The following ATP8A2 variants were observed in gnomAD, a reference collection of about 807,000 sequenced individuals.
ATP8A2 encodes ATPase phospholipid transporting 8A2.
Under a neutral mutation model 165.6 loss-of-function variants are expected in ATP8A2, and 100 were observed. The observed-to-expected ratio is 0.60, with a 90% CI of 0.51 to 0.71. The LOEUF (loss-of-function observed/expected upper bound fraction) is 0.71. Ranked by LOEUF, ATP8A2 falls within the 30% of genes least tolerant of loss-of-function variation. ATP8A2 has a pLI of 0.00. For missense variants in ATP8A2, 1,227 were observed against 1,479.5 expected (o/e 0.83, Z 2.80); for synonymous variants, 543 against 548.8 (o/e 0.99, Z 0.15).
intron 27 of ATP8A2, among the ~76,000 whole-genome samples, chr13:25,786,605 A>G (rs946443533): frequency 1.3e-5 from 2 of 152,290 alleles, no homozygotes; most frequent in African/African-American, 4.8e-5. Flanking sequence ...ACTGTTAACT[A>G]GAAGCTTTTA....
intron 28 of ATP8A2, among the ~76,000 whole-genome samples, chr13:25,831,564 C>G (rs116209518): frequency 6.6e-6 from 1 of 152,194 alleles, no homozygotes; most frequent in East Asian, 2.0e-4. Flanking sequence ...GACTTGAGGC[C>G]GGGCGTGTTG....
chr13:25,450,596 A>ACGCAG, intron 1 of ATP8A2, among the ~76,000 whole-genome samples: 1 of 151,706 alleles, frequency 6.6e-6, no homozygotes, highest in Non-Finnish European at 1.5e-5. Context: ...CAGTGGTGTG[A>ACGCAG]TCTCGGCTCA....
chr13:25,951,162 C>T lies in ATP8A2; in HGVS notation c.3184-10413C>T, dbSNP rs186405363. On this transcript the variant is annotated intron_variant, in intron 33 of 36. Coordinates refer to ENST00000381655, the MANE Select transcript of ATP8A2 (RefSeq NM_016529.6). ...AAAGAACTGGAAACATATGTCCACA[C>T]GCAAAAAAAGACTTGTAGAAGCTTG... 2.0e-3 allele frequency among the ~76,000 whole-genome samples: 300 copies of T among 152,188 alleles called. 2 individuals are homozygous for T. Among genetic ancestry groups the T allele is most frequent in the African/African-American group, 6.0e-3 (249 of 41,530 alleles).
intron 27 of ATP8A2, among the ~76,000 whole-genome samples, chr13:25,797,883 T>G (rs2138438091): frequency 6.6e-6 from 1 of 152,354 alleles, no homozygotes; most frequent in Admixed American, 6.5e-5. Context: ...AGAAATTGTA[T>G]AGAATTAGCA....
At chr13:25,579,056 CT>C (rs2039696872) in intron 21 of ATP8A2, among the ~76,000 whole-genome samples, 157 bp downstream of exon 21, 1 of 152,200 alleles carries the variant, frequency 6.6e-6, no homozygotes, top group Admixed American at 6.5e-5. Context: ...ACTCATTTAC[CT>C]GTAGATGCCT....
chr13:25,530,504 G>T, intron 3 of ATP8A2, 58 bp from the exon 4 acceptor site: 3 of 1,008,624 alleles, frequency 3.0e-6, no homozygotes, highest in Non-Finnish European at 1.5e-6. Flanking sequence ...GTAATTTTCT[G>T]TTCATGGAGA....
chr13:25,748,170 G>C (rs1441309294), intron 25 of ATP8A2, among the ~76,000 whole-genome samples: 1 of 152,096 alleles, frequency 6.6e-6, no homozygotes, highest in African/African-American at 2.4e-5. Context: ...ATTGTGAATG[G>C]GCTAGTTTAA....
At chr13:25,983,046 A>G (rs1956202231) in intron 35 of ATP8A2, among the ~76,000 whole-genome samples, 1 of 152,146 alleles carries the variant, frequency 6.6e-6, no homozygotes, top group Non-Finnish European at 1.5e-5. Context: ...AGTTTATACC[A>G]TGTTTAGGTT....
intron 1 of ATP8A2, among the ~76,000 whole-genome samples, chr13:25,383,108 C>T (rs113313413): frequency 0.22 from 32,586 of 150,944 alleles, 3,783 homozygotes; most frequent in Middle Eastern, 0.26. Context: ...CTCAGTGGCA[C>T]GATCTCAGCT....
At chr13:25,871,996 G>A (rs1952692620) in intron 33 of ATP8A2, among the ~76,000 whole-genome samples, 1 of 151,980 alleles carries the variant, frequency 6.6e-6, no homozygotes, top group African/African-American at 2.4e-5. Flanking sequence ...CATCTCTCAT[G>A]CAGGGTACAG....
chr13:25,574,996 T>C (rs775479037), intron 19 of ATP8A2, 139 bp downstream of exon 19: 3 of 464,390 alleles, frequency 6.5e-6, no homozygotes, highest in Non-Finnish European at 1.1e-5. Context: ...CCATAAACTC[T>C]TTTCTTCTTG....
At chr13:25,536,105 C>T (rs368222669) in intron 6 of ATP8A2, among the ~76,000 whole-genome samples, 16 of 151,966 alleles carry the variant, frequency 1.1e-4, no homozygotes, top group Non-Finnish European at 2.2e-4. Flanking sequence ...CATATGAAAT[C>T]GTTTTAATTT....
At chr13:25,480,081 C>G (rs1715718198) in intron 2 of ATP8A2, among the ~76,000 whole-genome samples, 1 of 151,682 alleles carries the variant, frequency 6.6e-6, no homozygotes, top group Non-Finnish European at 1.5e-5. Flanking sequence ...GGCAGAGGCG[C>G]CCCTCACCTC....
intron 30 of ATP8A2, among the ~76,000 whole-genome samples, chr13:25,855,708 G>GT (rs1261560976): frequency 6.6e-6 from 1 of 152,168 alleles, no homozygotes; most frequent in Non-Finnish European, 1.5e-5. Context: ...AGGTCACATG[G>GT]TAACTGTACA....
At chr13:25,777,724 A>G (rs9511923) in intron 27 of ATP8A2, among the ~76,000 whole-genome samples, 6,622 of 152,346 alleles carry the variant, frequency 0.043, 172 homozygotes, top group Middle Eastern at 0.099. Context: ...TATGAGGATC[A>G]TTATAGGACT....
intron 25 of ATP8A2, among the ~76,000 whole-genome samples, chr13:25,737,974 A>G (rs575507480): frequency 4.3e-4 from 66 of 152,206 alleles, no homozygotes; most frequent in Admixed American, 8.5e-4. Context: ...GTGAGCCATC[A>G]CACCCAGCCA....
chr13:25,720,854 A>G (rs952039523), intron 25 of ATP8A2, among the ~76,000 whole-genome samples: 2 of 152,218 alleles, frequency 1.3e-5, no homozygotes, highest in African/African-American at 4.8e-5. Flanking sequence ...TAGCCTCATA[A>G]AAACCCTGTG....
At chr13:25,778,942 C>T (rs1239466996) in intron 27 of ATP8A2, among the ~76,000 whole-genome samples, 1 of 152,122 alleles carries the variant, frequency 6.6e-6, no homozygotes, top group Non-Finnish European at 1.5e-5. Context: ...TTGTCTGTCT[C>T]CCATAGACGG....
At chr13:25,471,685 T>C (rs995196316) in intron 2 of ATP8A2, among the ~76,000 whole-genome samples, 8 of 152,202 alleles carry the variant, frequency 5.3e-5, no homozygotes, top group Admixed American at 5.2e-4. Context: ...GGAGCTTCAC[T>C]ACCTGTTCTG....
Sources: allele counts gnomAD v4.1 joint callset (sites outside exome capture counted in the v4.1 genomes callset), GRCh38; gene constraint gnomAD v4.1.1; transcripts MANE v1.5; gene names NCBI Gene and HGNC (gene_info 2026-07-23, HGNC 2026-07-21).